KIF26B: variants seen among roughly 807,000 people sequenced by gnomAD.
KIF26B encodes the protein kinesin-like protein KIF26B.
Under a neutral mutation model 151.2 loss-of-function variants are expected in KIF26B, and 63 were observed. That is an observed-to-expected ratio of 0.42 (90% CI 0.34 to 0.51). The LOEUF (loss-of-function observed/expected upper bound fraction) is 0.51, where lower values mean the gene tolerates loss of function less well. Among genes scored for constraint, KIF26B ranks in the 20% least tolerant of loss-of-function variants. KIF26B has a pLI of 0.07. For synonymous variants in KIF26B, 1,357 were observed against 1,262.1 expected (o/e 1.08, Z -1.59); for missense variants, 2,813 against 2,913.6 (o/e 0.97, Z 0.79).
At chr1:245,479,174 T>G (rs1660108289) in intron 4 of KIF26B, among the ~76,000 whole-genome samples, 1 of 151,786 alleles carries the variant, frequency 6.6e-6, no homozygotes, top group African/African-American at 2.4e-5. Flanking sequence ...TAGATGGCAT[T>G]TAGAACCCTG....
chr1:245,569,840 T>C (rs1553290136), intron 5 of KIF26B, among the ~76,000 whole-genome samples: 1 of 130,078 alleles, frequency 7.7e-6, no homozygotes, highest in Non-Finnish European at 1.6e-5. Context: ...AATATAGTTC[T>C]TTTGTTGTTC....
intron 10 of KIF26B, chr1:245,676,200 TCGTA>T (rs1406010957): frequency 6.6e-6 from 1 of 152,232 alleles, no homozygotes; most frequent in Admixed American, 6.5e-5. Context: ...ATTTCTAATA[TCGTA>T]CCTGAGTGCC....
intron 4 of KIF26B, among the ~76,000 whole-genome samples, chr1:245,420,911 G>A (rs1293522838): frequency 6.6e-6 from 1 of 152,218 alleles, no homozygotes; most frequent in Non-Finnish European, 1.5e-5. Context: ...TAAGACCCTG[G>A]ATGATGGGAC....
In KIF26B at chr1:245,646,101, T is replaced by C. The variant is rs552537709; in HGVS notation, c.2099-20T>C. 19 of 1,610,630 alleles carry C rather than the reference T, an allele frequency of 1.2e-5. No homozygotes were observed. The South Asian group carries it at 1.9e-4, about 16-fold the overall frequency. On this transcript the variant is annotated intron_variant, in intron 9 of 14. Transcript: ENST00000407071. Reference sequence around the variant, plus strand: ...TGTCAGAACTTAACCATTTCTCTTTTATCTTCTCCCCTGTGGTAGTGTCTG... The same window carrying C: ...TGTCAGAACTTAACCATTTCTCTTTCATCTTCTCCCCTGTGGTAGTGTCTG...
At chr1:245,506,138 G>A (rs1011097509) in intron 4 of KIF26B, among the ~76,000 whole-genome samples, 1 of 152,062 alleles carries the variant, frequency 6.6e-6, no homozygotes, top group Non-Finnish European at 1.5e-5. Flanking sequence ...TTTCCTATAA[G>A]CGGGGAATAA....
intron 2 of KIF26B, among the ~76,000 whole-genome samples, chr1:245,308,514 A>C (rs922672376): frequency 6.6e-6 from 1 of 152,158 alleles, no homozygotes; most frequent in Non-Finnish European, 1.5e-5. Flanking sequence ...GTGTGTTTTT[A>C]AAAAAAGCAT....
chr1:245,541,053 T>C (rs748836208), intron 5 of KIF26B, 103 bp downstream of exon 5: 3 of 963,500 alleles, frequency 3.1e-6, no homozygotes, highest in Non-Finnish European at 4.5e-6. Flanking sequence ...AATAAGACGT[T>C]GCCAGGGAGA....
Position 245,702,647 on chromosome 1 carries a change from G to GACTT in KIF26B, c.*42_*45dup. ...GTCCTAGTGGTCCCCCGCTCCCCAGGACTTCAGAGATGTTGCACGCCCCTA... is the reference window on the plus strand; with the variant it reads ...GTCCTAGTGGTCCCCCGCTCCCCAGGACTTACTTCAGAGATGTTGCACGCCCCTA... On this transcript the variant is annotated 3_prime_UTR_variant, in exon 15 of 15. Transcript: ENST00000407071. The surrounding 1 kb of genome is among the most constrained non-coding windows in gnomAD (Gnocchi z 4.1). 6.3e-7 allele frequency: 1 copy of GACTT among 1,596,834 alleles called. No homozygotes were observed. The highest frequency in any genetic ancestry group is 8.5e-7 in the Non-Finnish European group (1 of 1,170,346).
chr1:245,595,124 T>G (rs1771531), intron 5 of KIF26B, among the ~76,000 whole-genome samples: 23,525 of 152,218 alleles, frequency 0.15, 2,404 homozygotes, highest in African/African-American at 0.29. Flanking sequence ...GCAATTTGAC[T>G]TACTCTCTTC....
chr1:245,462,860 GAATGAAT>G (rs1659680655), intron 4 of KIF26B, among the ~76,000 whole-genome samples: 2 of 152,086 alleles, frequency 1.3e-5, no homozygotes, highest in Middle Eastern at 3.4e-3. Flanking sequence ...ATGAATGAAT[GAATGAAT>G]GAATGAATGA....
Position 245,688,501 on chromosome 1 carries a change from G to C in KIF26B, c.5518G>C (p.Glu1840Gln). ...GCGCGGGGGGGCCCTGGCCGAGGAC[G>C]AGCCCGCGGCCGCGCACCTGCTCCC... Reference protein sequence around the residue: ...EARGGALAEDEPAAAHLLPSP... With the variant: ...EARGGALAEDQPAAAHLLPSP... Residue 1840 changes from glutamate to glutamine, a missense_variant, in exon 12 of 15, where the codon GAG (glutamate) becomes CAG (glutamine). Physicochemically the swap from Glu to Gln is conservative, Grantham distance 29. This residue lies in a region of KIF26B where 2,060 missense variants were observed against 2,088.6 expected (regional missense o/e 0.99). Transcript: ENST00000407071. 4.7e-6 allele frequency: 7 copies of C among 1,480,104 alleles called. No homozygotes were observed. The highest frequency in any genetic ancestry group is 6.2e-6 in the Non-Finnish European group (7 of 1,122,562). 91.7% of individuals were successfully genotyped at this position (1,480,104 alleles called of 1,614,324 possible).
intron 3 of KIF26B, among the ~76,000 whole-genome samples, chr1:245,395,513 C>G (rs1330979035): frequency 6.6e-6 from 1 of 152,214 alleles, no homozygotes; most frequent in Non-Finnish European, 1.5e-5. Flanking sequence ...CTGGACGCAG[C>G]CCTCTAGACC....
At position 245,698,443 on chromosome 1, in the gene KIF26B, G is replaced by C. The variant is rs1265853195; in HGVS notation, c.6027+135G>C. 3 of 748,708 alleles carry C rather than the reference G, an allele frequency of 4.0e-6. No individual in the cohort carries two copies. The highest frequency in any genetic ancestry group is 6.4e-6 in the Non-Finnish European group (3 of 465,690). The allele number at this position is 748,708 out of a possible 1,614,324, so 46.4% of individuals were successfully genotyped here. On this transcript the variant is annotated intron_variant, in intron 13 of 14. Transcript: ENST00000407071. This position sits in a 1 kb window ranked among gnomAD's most constrained non-coding sequence, Gnocchi z 4.0. The stretch of plus-strand genomic sequence containing the variant: ...AGCGGGCTTCTGGCATGGGTGGTGG[G>C]AAGGGGGCTTCTGTCCCAGCAAAGG...
At chr1:245,211,653 C>A (rs1401643494) in intron 2 of KIF26B, among the ~76,000 whole-genome samples, 1 of 152,188 alleles carries the variant, frequency 6.6e-6, no homozygotes, top group Non-Finnish European at 1.5e-5. Flanking sequence ...CTGCCTCAGC[C>A]TCTAAGAGCT....
chr1:245,404,650 C>G, intron 3 of KIF26B, among the ~76,000 whole-genome samples: 1 of 152,136 alleles, frequency 6.6e-6, no homozygotes, highest in East Asian at 1.9e-4. Flanking sequence ...GCAGAACCAC[C>G]AACTGGAGAA....
intron 2 of KIF26B, among the ~76,000 whole-genome samples, chr1:245,267,598 G>T (rs1670768548): frequency 6.7e-6 from 1 of 148,868 alleles, no homozygotes; most frequent in Non-Finnish European, 1.5e-5. Flanking sequence ...GCCACAAGCA[G>T]CCAAGAACAG....
At chr1:245,198,858 G>A (rs1453327925) in intron 2 of KIF26B, among the ~76,000 whole-genome samples, 3 of 148,116 alleles carry the variant, frequency 2.0e-5, no homozygotes, top group African/African-American at 7.8e-5. Context: ...ATGCTCTGGA[G>A]AGTGTAACGG....
intron 4 of KIF26B, among the ~76,000 whole-genome samples, chr1:245,449,325 T>C (rs1159105485): frequency 6.6e-6 from 1 of 152,022 alleles, no homozygotes; most frequent in African/African-American, 2.4e-5. Context: ...TTTACAAGCC[T>C]GAGCCAAGAA....
At chr1:245,165,998 C>A (rs942054633) in intron 2 of KIF26B, among the ~76,000 whole-genome samples, 1 of 152,172 alleles carries the variant, frequency 6.6e-6, no homozygotes, top group Admixed American at 6.5e-5. Context: ...CTCTTATTAT[C>A]TTAAAATGAA....
Sources: allele counts gnomAD v4.1 joint callset (sites outside exome capture counted in the v4.1 genomes callset), GRCh38; gene constraint gnomAD v4.1.1; regional missense constraint gnomAD v4.1.1; non-coding constraint Gnocchi (gnomAD v3.1); transcripts MANE v1.5; gene names NCBI Gene and HGNC (gene_info 2026-07-23, HGNC 2026-07-21).